The following CSMD1 variants were observed in gnomAD, a reference collection of about 807,000 sequenced individuals.
CSMD1 encodes the protein CUB and Sushi multiple domains 1.
Under a neutral mutation model 417.5 loss-of-function variants are expected in CSMD1, and 213 were observed. The observed-to-expected ratio is 0.51, with a 90% CI of 0.46 to 0.57. The LOEUF (loss-of-function observed/expected upper bound fraction) is 0.57, where lower values mean the gene tolerates loss of function less well. CSMD1 is among the 20% of genes least tolerant of loss of function. CSMD1 has a pLI of 0.00. For synonymous variants in CSMD1, 2,862 were observed against 1,736.8 expected (o/e 1.65, Z -16.11); for missense variants, 6,923 against 4,529.7 (o/e 1.53, Z -15.17).
At chr8:4,058,198 C>G (rs202011816) in intron 3 of CSMD1, among the ~76,000 whole-genome samples, 2 of 152,034 alleles carry the variant, frequency 1.3e-5, no homozygotes, top group South Asian at 2.1e-4. Flanking sequence ...TTTGTATCCT[C>G]TTTTATTTCA....
At chr8:4,611,877 C>G (rs1760029434) in intron 2 of CSMD1, among the ~76,000 whole-genome samples, 2 of 152,150 alleles carry the variant, frequency 1.3e-5, no homozygotes, top group South Asian at 4.1e-4. Context: ...CTTCATAATG[C>G]ATCTTAAAGG....
chr8:3,672,040 G>C (rs1056729871), intron 7 of CSMD1, among the ~76,000 whole-genome samples: 3 of 152,136 alleles, frequency 2.0e-5, no homozygotes, highest in Non-Finnish European at 4.4e-5. Flanking sequence ...AAATGAAGAA[G>C]CAAATTAACA....
intron 11 of CSMD1, among the ~76,000 whole-genome samples, chr8:3,477,234 G>A (rs539882455): frequency 6.6e-6 from 1 of 152,298 alleles, no homozygotes; most frequent in African/African-American, 2.4e-5. Flanking sequence ...TTATGGGTAT[G>A]TACCTGAATT....
chr8:4,982,634 T>C (rs545439712), intron 1 of CSMD1, among the ~76,000 whole-genome samples: 14 of 152,222 alleles, frequency 9.2e-5, no homozygotes, highest in Non-Finnish European at 1.8e-4. Flanking sequence ...GATAGTCACT[T>C]CAACTTGTCA....
At chr8:3,270,140 C>A (rs1037789242) in intron 26 of CSMD1, among the ~76,000 whole-genome samples, 2 of 149,326 alleles carry the variant, frequency 1.3e-5, no homozygotes, top group African/African-American at 5.0e-5. Flanking sequence ...ACCTCTGCCT[C>A]CCGGGTTCAA....
At chr8:4,352,291 G>A (rs548159374) in intron 3 of CSMD1, among the ~76,000 whole-genome samples, 113 of 152,258 alleles carry the variant, frequency 7.4e-4, no homozygotes, top group African/African-American at 2.6e-3. Context: ...TCTTCCAGGT[G>A]ATTTAGAAAA....
Position 3,367,027 on chromosome 8 carries a change from C to A in CSMD1, c.3115+5G>T. ...GGAGAGAAACAGCAAACAAGACCAA[C>A]ATACCTGAAAATGTGATATTGAAGC... On this transcript the variant is annotated splice_donor_5th_base_variant and intron_variant, in intron 20 of 69. Coordinates refer to ENST00000635120, the MANE Select transcript of CSMD1 (RefSeq NM_033225.6). 1 of 1,609,092 alleles carries A rather than the reference C, an allele frequency of 6.2e-7. No homozygotes were observed. Among genetic ancestry groups the A allele is most frequent in the Non-Finnish European group, 8.5e-7 (1 of 1,176,040 alleles).
At chr8:3,001,957 T>C (rs910972864) in intron 52 of CSMD1, among the ~76,000 whole-genome samples, 7 of 152,198 alleles carry the variant, frequency 4.6e-5, no homozygotes, top group African/African-American at 1.7e-4. Flanking sequence ...CATTGTGTTC[T>C]CCTATTTTGG....
At chr8:4,598,127 T>C (rs1017564224) in intron 2 of CSMD1, among the ~76,000 whole-genome samples, 1 of 152,190 alleles carries the variant, frequency 6.6e-6, no homozygotes, top group Non-Finnish European at 1.5e-5. Context: ...CCTGTATCTC[T>C]TTACAAATCC....
chr8:4,341,555 G>A (rs75633168), intron 3 of CSMD1, among the ~76,000 whole-genome samples: 2 of 152,218 alleles, frequency 1.3e-5, no homozygotes, highest in East Asian at 3.9e-4. Flanking sequence ...TTTTCCTACA[G>A]TGTGATTTTG....
intron 1 of CSMD1, among the ~76,000 whole-genome samples, chr8:4,855,008 G>A (rs932366581): frequency 6.6e-6 from 1 of 152,144 alleles, no homozygotes; most frequent in Non-Finnish European, 1.5e-5. Flanking sequence ...AGACTTAAAT[G>A]TCCCTGTCTG....
chr8:4,154,673 C>G (rs978837457), intron 3 of CSMD1, among the ~76,000 whole-genome samples: 1 of 152,152 alleles, frequency 6.6e-6, no homozygotes, highest in African/African-American at 2.4e-5. Context: ...TAGTTGATAA[C>G]CTGAGAATTC....
At chr8:4,285,190 C>A (rs1052248835) in intron 3 of CSMD1, among the ~76,000 whole-genome samples, 1 of 152,132 alleles carries the variant, frequency 6.6e-6, no homozygotes, top group Non-Finnish European at 1.5e-5. Flanking sequence ...TTTTGTATGT[C>A]AAGGAGTGTG....
chr8:3,427,264 C>T (rs756338855), intron 12 of CSMD1, among the ~76,000 whole-genome samples: 1 of 152,072 alleles, frequency 6.6e-6, no homozygotes, highest in Non-Finnish European at 1.5e-5. Flanking sequence ...TCAAGGCCAG[C>T]CTACTTCATC....
intron 49 of CSMD1, among the ~76,000 whole-genome samples, chr8:3,055,824 G>C (rs1812178040): frequency 6.6e-6 from 1 of 152,180 alleles, no homozygotes; most frequent in Non-Finnish European, 1.5e-5. Context: ...TTCTGAGTCA[G>C]TTCTTGCTGT....
At chr8:3,926,155 T>A (rs956603709) in intron 5 of CSMD1, among the ~76,000 whole-genome samples, 1 of 144,802 alleles carries the variant, frequency 6.9e-6, no homozygotes, top group African/African-American at 2.5e-5. Context: ...TAGGTGGGGG[T>A]TTATGTATAC....
At chr8:3,909,607 C>A (rs1584948781) in intron 5 of CSMD1, among the ~76,000 whole-genome samples, 2 of 152,094 alleles carry the variant, frequency 1.3e-5, no homozygotes, top group East Asian at 3.9e-4. Context: ...ATAAGGCCCT[C>A]TGTTAGGCTC....
At chr8:3,760,410 T>A (rs1375415045) in intron 5 of CSMD1, among the ~76,000 whole-genome samples, 1 of 152,218 alleles carries the variant, frequency 6.6e-6, no homozygotes, top group Non-Finnish European at 1.5e-5. Context: ...TACGACGACC[T>A]CCTTTGAGCT....
chr8:3,222,621 C>T (rs766375244), intron 28 of CSMD1, among the ~76,000 whole-genome samples: 27 of 152,042 alleles, frequency 1.8e-4, no homozygotes, highest in Non-Finnish European at 3.1e-4. Context: ...AACTGTTAAC[C>T]CATTTATAAT....
Sources: gnomAD v4.1 joint callset for allele counts (sites outside exome capture counted in the v4.1 genomes callset) on GRCh38, gnomAD v4.1.1 for gene constraint, MANE v1.5 for transcripts, NCBI Gene and HGNC (gene_info 2026-07-23, HGNC 2026-07-21) for gene names.